The following PPP2R2B variants were observed in gnomAD, a reference collection of about 807,000 sequenced individuals.
PPP2R2B encodes the protein serine/threonine-protein phosphatase 2A 55 kDa regulatory subunit B beta isoform.
A neutral mutation model predicts 46.0 loss-of-function variants in PPP2R2B; 5 were observed. The ratio of observed to expected loss-of-function variants is 0.11; its 90% CI spans 0.06 to 0.23. The LOEUF (loss-of-function observed/expected upper bound fraction) is 0.23, where lower values mean the gene tolerates loss of function less well. Among genes scored for constraint, PPP2R2B ranks in the 10% least tolerant of loss-of-function variants. PPP2R2B has a pLI of 1.00. For missense variants in PPP2R2B, 367 were observed against 575.0 expected, an observed-to-expected ratio of 0.64 and a Z score of 3.70; for synonymous variants, 215 against 206.7, an observed-to-expected ratio of 1.04 and a Z score of -0.34.
chr5:146,937,092 G>A (rs1407410068), intron 1 of PPP2R2B, among the ~76,000 whole-genome samples: 2 of 152,018 alleles, frequency 1.3e-5, no homozygotes, highest in Admixed American at 6.6e-5. Flanking sequence ...ACCTGAGGTC[G>A]GCAGTTCGAA....
In PPP2R2B at chr5:146,825,047, T is replaced by C. The variant is rs1758490330; in HGVS notation, c.70+52955A>G. The stretch of plus-strand genomic sequence containing the variant: ...CCAAAAATCAATAATTTTAAATGTT[T>C]CATACTTATTGACATTAATGAAACC... On this transcript the variant is annotated intron_variant, in intron 2 of 9. Transcript: ENST00000394411. Among the ~76,000 whole-genome samples the C allele has an allele frequency of 4.6e-5, 7 of 152,330 alleles. No individual in the cohort carries two copies. In the South Asian group the frequency reaches 1.4e-3, roughly 32 times the overall value.
In PPP2R2B at chr5:146,842,036, C is replaced by A. The variant is rs114411985; in HGVS notation, c.70+35966G>T. ...AGGTGAGTACTCTGAGACAGGGATTCATCCATACTCCCTAGCCACATCACT... is the reference window on the plus strand; with the variant it reads ...AGGTGAGTACTCTGAGACAGGGATTAATCCATACTCCCTAGCCACATCACT... On this transcript the variant is annotated intron_variant, in intron 2 of 9. Coordinates refer to ENST00000394411, the MANE Select transcript of PPP2R2B (RefSeq NM_181675.4). Among the ~76,000 whole-genome samples the A allele has an allele frequency of 7.8e-3, 1,186 of 152,288 alleles. 18 individuals carry two copies. Among genetic ancestry groups the A allele is most frequent in the African/African-American group, 0.027 (1,113 of 41,546 alleles).
intron 2 of PPP2R2B, among the ~76,000 whole-genome samples, chr5:147,068,661 AGCT>A (rs1294090618): frequency 1.3e-5 from 2 of 152,236 alleles, no homozygotes; most frequent in African/African-American, 4.8e-5. Context: ...CCTGATGAGA[AGCT>A]GCGCTTTACA....
intron 7 of PPP2R2B, 83 bp from the exon 8 acceptor site, chr5:146,600,543 C>T: frequency 5.8e-6 from 8 of 1,390,498 alleles, no homozygotes; most frequent in Non-Finnish European, 7.9e-6. Flanking sequence ...AGGAAGCTGA[C>T]AGTGTAACTG....
At chr5:146,881,775 C>CAAA (rs200543782), upstream of PPP2R2B, among the ~76,000 whole-genome samples, 2,991 of 152,212 alleles carry the variant, frequency 0.02, 107 homozygotes, top group African/African-American at 0.068. Flanking sequence ...TTGTTGGAGA[C>CAAA]AAACATTTCT....
chr5:147,063,869 A>T (rs1291905993), intron 2 of PPP2R2B, among the ~76,000 whole-genome samples: 2 of 152,208 alleles, frequency 1.3e-5, no homozygotes, highest in Non-Finnish European at 2.9e-5. Context: ...ACACTTAGAG[A>T]TACAGAATAG....
rs549814449 is a variant in PPP2R2B at position 146,851,444 on chromosome 5, G to A, written c.70+26558C>T. ...GCTGATTGCTATTAGTGCTAACAAGGAAAGAGATCCTGTTCCATGTGAGTG... is the reference window on the plus strand; with the variant it reads ...GCTGATTGCTATTAGTGCTAACAAGAAAAGAGATCCTGTTCCATGTGAGTG... On this transcript the variant is annotated intron_variant, in intron 2 of 9. Transcript: ENST00000394411. Among the ~76,000 whole-genome samples the A allele has an allele frequency of 1.4e-4, 21 of 152,226 alleles. No homozygotes were observed. The East Asian group carries it at 2.5e-3, about 18-fold the overall frequency.
At chr5:146,973,608 C>T (rs1412510245) in intron 1 of PPP2R2B, among the ~76,000 whole-genome samples, 2 of 152,156 alleles carry the variant, frequency 1.3e-5, no homozygotes, top group Non-Finnish European at 2.9e-5. Context: ...GCTTGTAATT[C>T]CTCACGTATA....
At chr5:146,648,161 G>T (rs753491017) in intron 6 of PPP2R2B, among the ~76,000 whole-genome samples, 8 of 152,146 alleles carry the variant, frequency 5.3e-5, no homozygotes, top group Non-Finnish European at 1.0e-4. Flanking sequence ...CCAATGGAAT[G>T]CATACTTTTT....
chr5:146,993,099 T>A (rs530350211), intron 1 of PPP2R2B, among the ~76,000 whole-genome samples: 1 of 151,790 alleles, frequency 6.6e-6, no homozygotes, highest in African/African-American at 2.4e-5. Context: ...TGCACCACCA[T>A]GCCCAGCTAA....
chr5:146,906,601 C>A (rs987728632), intron 1 of PPP2R2B, among the ~76,000 whole-genome samples: 1 of 152,170 alleles, frequency 6.6e-6, no homozygotes, highest in Admixed American at 6.5e-5. Context: ...GGATTACAGG[C>A]GTGAGCCACC....
chr5:147,019,760 T>C (rs1755174114), intron 1 of PPP2R2B, among the ~76,000 whole-genome samples: 1 of 152,186 alleles, frequency 6.6e-6, no homozygotes, highest in Non-Finnish European at 1.5e-5. Context: ...ACTCTTTTCA[T>C]TGTAGCATGT....
At chr5:146,740,573 TCACACACACACACACACACACACACACA>T (rs3995489) in intron 2 of PPP2R2B, among the ~76,000 whole-genome samples, 1,800 of 138,110 alleles carry the variant, frequency 0.013, 31 homozygotes, top group African/African-American at 0.046. Flanking sequence ...TAAAATGAGA[TCACACACACACACACACACACACACACA>T]CACACACACA....
At chr5:146,735,689 G>A (rs978112308) in intron 2 of PPP2R2B, among the ~76,000 whole-genome samples, 3 of 152,142 alleles carry the variant, frequency 2.0e-5, no homozygotes, top group East Asian at 1.9e-4. Context: ...TAGAGTCAAC[G>A]CTGAGGGACA....
chr5:147,017,029 A>C (rs76599395), intron 1 of PPP2R2B, among the ~76,000 whole-genome samples: 5,506 of 151,686 alleles, frequency 0.036, 356 homozygotes, highest in African/African-American at 0.12. Context: ...AGTTTTGGAT[A>C]GATTGCTCTG....
upstream of PPP2R2B, among the ~76,000 whole-genome samples, chr5:146,882,058 A>G (rs1762183826): frequency 6.6e-6 from 1 of 152,096 alleles, no homozygotes; most frequent in African/African-American, 2.4e-5. Context: ...CAGGCAGATT[A>G]TGAGGTCAGG....
intron 2 of PPP2R2B, among the ~76,000 whole-genome samples, chr5:147,073,535 C>T (rs1757666236): frequency 6.6e-6 from 1 of 152,162 alleles, no homozygotes. Flanking sequence ...ACTTCTTTTT[C>T]ACACACAGAG....
At chr5:146,801,013 T>A (rs1468695679) in intron 2 of PPP2R2B, among the ~76,000 whole-genome samples, 1 of 152,004 alleles carries the variant, frequency 6.6e-6, no homozygotes, top group South Asian at 2.1e-4. Flanking sequence ...AGGAAGGAAA[T>A]CCTGGCATTT....
chr5:146,935,642 G>C (rs1235574689), intron 1 of PPP2R2B, among the ~76,000 whole-genome samples: 2 of 152,138 alleles, frequency 1.3e-5, no homozygotes, highest in Non-Finnish European at 2.9e-5. Context: ...AGGCCTGAAA[G>C]TGTGAGCCAG....
Sources: allele counts gnomAD v4.1 joint callset (sites outside exome capture counted in the v4.1 genomes callset), GRCh38; gene constraint gnomAD v4.1.1; transcripts MANE v1.5; gene names NCBI Gene and HGNC (gene_info 2026-07-23, HGNC 2026-07-21).